Variants in UFL1 observed in about 807,000 individuals in gnomAD.
UFL1 encodes the protein E3 UFM1-protein ligase 1.
In UFL1, 78 loss-of-function variants were observed where a neutral mutation model predicts 99.3. The observed-to-expected ratio is 0.79, with a 90% CI of 0.65 to 0.95. UFL1 has a LOEUF of 0.95. Ranked by LOEUF, UFL1 falls within the 40% of genes least tolerant of loss-of-function variation. The probability of loss-of-function intolerance (pLI) is 0.00; values close to 1 mark genes in which losing one functional copy is unlikely to be tolerated. For missense variants in UFL1, 936 were observed against 937.0 expected, an observed-to-expected ratio of 1.00 and a Z score of 0.01; for synonymous variants, 335 against 322.2, an observed-to-expected ratio of 1.04 and a Z score of -0.42.
chr6:96,524,502 T>G lies in UFL1; in HGVS notation c.252+92T>G, dbSNP rs1442172822. ...AGTATTCACTAATGCTGGTATCATA[T>G]TTTGTGTAGTGTTTATAAAGAAATA... is the stretch of plus-strand genomic sequence containing the variant. On this transcript the variant is annotated intron_variant, in intron 3 of 18. Transcript: ENST00000369278. The G allele has an allele frequency of 6.3e-6, 6 of 959,220 alleles. No homozygotes were observed. In the African/African-American group the frequency reaches 6.8e-5, roughly 11 times the overall value. The allele number at this position is 959,220 out of a possible 1,614,324, so 59.4% of individuals were successfully genotyped here.
intron 12 of UFL1, among the ~76,000 whole-genome samples, chr6:96,543,324 C>T (rs1489629238): frequency 6.6e-6 from 1 of 151,242 alleles, no homozygotes; most frequent in Non-Finnish European, 1.5e-5. Flanking sequence ...AATCACACCA[C>T]TTATTGTATA....
chr6:96,544,540 A>G (rs1017045897), intron 12 of UFL1, among the ~76,000 whole-genome samples: 1 of 151,034 alleles, frequency 6.6e-6, no homozygotes, highest in African/African-American at 2.4e-5. Flanking sequence ...TCTACTTGCT[A>G]TTTGTAATAG....
intron 16 of UFL1, 152 bp from the exon 17 acceptor site, chr6:96,551,686 T>C: frequency 1.4e-6 from 1 of 701,806 alleles, no homozygotes; most frequent in Non-Finnish European, 2.3e-6. Flanking sequence ...TTTACCATTG[T>C]TAGTTCTATA....
intron 7 of UFL1, 133 bp downstream of exon 7, chr6:96,534,454 C>T: frequency 1.4e-6 from 1 of 714,980 alleles, no homozygotes; most frequent in Non-Finnish European, 2.1e-6. Flanking sequence ...AAAAAAGTTT[C>T]TTTGTATCAA....
chr6:96,546,469 C>CT (rs1769999660), intron 12 of UFL1, among the ~76,000 whole-genome samples: 1 of 151,344 alleles, frequency 6.6e-6, no homozygotes, highest in Non-Finnish European at 1.5e-5. Flanking sequence ...TCAGTGCAAT[C>CT]TTTATCAAAA....
intron 12 of UFL1, among the ~76,000 whole-genome samples, chr6:96,545,003 A>G (rs1769980690): frequency 6.6e-6 from 1 of 151,086 alleles, no homozygotes. Context: ...GGATCAACTC[A>G]GTATGAAAGA....
chr6:96,548,511 C>T (rs542581834), intron 13 of UFL1, among the ~76,000 whole-genome samples: 1 of 151,564 alleles, frequency 6.6e-6, no homozygotes, highest in East Asian at 1.9e-4. Flanking sequence ...AAGGCAGGAG[C>T]GAGAAAGTGT....
intron 7 of UFL1, among the ~76,000 whole-genome samples, chr6:96,535,201 A>T (rs910521384): frequency 1.3e-5 from 2 of 151,948 alleles, no homozygotes; most frequent in Admixed American, 6.6e-5. Flanking sequence ...ATTCTAATTT[A>T]CTCAGCATTG....
rs1423678038 is a variant in UFL1, at chr6:96,540,744, G to A, written c.1279+89G>A. ...TCACATTTATTATGCCCTTTGAAAG[G>A]CCCTTTGTTTTATTGATTTACCTTT... On this transcript the variant is annotated intron_variant, in intron 11 of 18. Coordinates refer to ENST00000369278, the MANE Select transcript of UFL1 (RefSeq NM_015323.5). The A allele has an allele frequency of 5.5e-6, 8 of 1,457,478 alleles. No individual in the cohort carries two copies. The Middle Eastern group carries it at 9.1e-4, about 166-fold the overall frequency. The allele number at this position is 1,457,478 out of a possible 1,614,324, so 90.3% of individuals were successfully genotyped here. A position where few individuals can be genotyped will look rare whatever the true frequency, so the allele number is the denominator to read the frequency against.
At chr6:96,538,921 T>G (rs533058254) in intron 10 of UFL1, 111 bp downstream of exon 10, 1 of 955,796 alleles carries the variant, frequency 1.0e-6, no homozygotes, top group Non-Finnish European at 1.5e-6. Flanking sequence ...GTATCATTTA[T>G]TATTTTCCTT....
In UFL1 at chr6:96,553,212, T is replaced by G. The variant is rs915942996; in HGVS notation, c.2167-73T>G. On this transcript the variant is annotated intron_variant, in intron 18 of 18. Transcript: ENST00000369278. ...ATGAGGACCTTCAATGTGTATTAGT[T>G]GAAGAAATTCTACTTTATCTGTTCC... 4.7e-5 allele frequency: 67 copies of G among 1,430,014 alleles called. No individual in the cohort carries two copies. The Admixed American group carries it at 1.4e-3, about 29-fold the overall frequency. 88.6% of individuals were successfully genotyped at this position (1,430,014 alleles called of 1,614,324 possible).
intron 4 of UFL1, 111 bp from the exon 5 acceptor site, chr6:96,526,210 T>A: frequency 1.3e-6 from 1 of 787,462 alleles, no homozygotes; most frequent in Non-Finnish European, 2.1e-6. Flanking sequence ...ACACACACAT[T>A]TCATTACTTT....
At chr6:96,550,904 G>A (rs556665641) in intron 15 of UFL1, among the ~76,000 whole-genome samples, 1 of 151,916 alleles carries the variant, frequency 6.6e-6, no homozygotes, top group African/African-American at 2.4e-5. Context: ...TAGCAAGTCT[G>A]CTCCAAAATT....
intron 4 of UFL1, 149 bp downstream of exon 4, chr6:96,525,543 T>A: frequency 1.5e-6 from 1 of 667,576 alleles, no homozygotes; most frequent in Non-Finnish European, 2.6e-6. Flanking sequence ...TTATTTCACT[T>A]AAAAAGTAAG....
Position 96,548,151 on chromosome 6 carries a change from A to C in UFL1, c.1403-13A>C, listed in dbSNP as rs773162891. The C allele has an allele frequency of 5.2e-6, 8 of 1,538,330 alleles. No homozygotes were observed. Among genetic ancestry groups the C allele is most frequent in the Non-Finnish European group, 7.1e-6 (8 of 1,131,252 alleles). The stretch of plus-strand genomic sequence containing the variant: ...TTTATTTATTTATTTGCCATTGCTC[A>C]TGTCCGATATAGGAAAGAAGAAGCC... On this transcript the variant is annotated splice_polypyrimidine_tract_variant and intron_variant, in intron 12 of 18. Coordinates refer to ENST00000369278, the MANE Select transcript of UFL1 (RefSeq NM_015323.5).
intron 7 of UFL1, among the ~76,000 whole-genome samples, chr6:96,534,841 T>G (rs556726481): frequency 6.6e-6 from 1 of 151,762 alleles, no homozygotes; most frequent in African/African-American, 2.4e-5. Context: ...TGCTGAAAAT[T>G]TTTAAAAGCA....
chr6:96,533,517 A>C (rs757017669), intron 6 of UFL1, among the ~76,000 whole-genome samples: 1 of 152,042 alleles, frequency 6.6e-6, no homozygotes, highest in Non-Finnish European at 1.5e-5. Flanking sequence ...TAATGGCTAG[A>C]AAGGCAAATT....
chr6:96,528,241 CAA>C (rs560025904), intron 5 of UFL1, among the ~76,000 whole-genome samples: 108 of 152,254 alleles, frequency 7.1e-4, no homozygotes, highest in African/African-American at 2.4e-3. Context: ...CCCTCATTAA[CAA>C]GAGATAATAT....
intron 1 of UFL1, 83 bp from the exon 2 acceptor site, chr6:96,523,063 C>A (rs1207959709): frequency 3.0e-6 from 4 of 1,355,378 alleles, no homozygotes; most frequent in East Asian, 2.5e-5. Context: ...TTTTTAAAAG[C>A]CTGTTTTCAT....
Sources: gnomAD v4.1 joint callset for allele counts (sites outside exome capture counted in the v4.1 genomes callset) on GRCh38, gnomAD v4.1.1 for gene constraint, MANE v1.5 for transcripts, NCBI Gene and HGNC (gene_info 2026-07-23, HGNC 2026-07-21) for gene names.